Variants in COMMD7 observed in about 807,000 individuals in gnomAD.
COMMD7 encodes the protein COMM domain containing 7.
Under a neutral mutation model 34.8 loss-of-function variants are expected in COMMD7, and 28 were observed. The ratio of observed to expected loss-of-function variants is 0.80; its 90% confidence interval spans 0.60 to 1.10. The LOEUF is 1.10. Ranked by LOEUF, COMMD7 falls within the 50% of genes least tolerant of loss-of-function variation. The probability of loss-of-function intolerance (pLI) is 0.00; values close to 1 mark genes in which losing one functional copy is unlikely to be tolerated. For synonymous variants in COMMD7, 80 were observed against 86.4 expected, an observed-to-expected ratio of 0.93 and a Z score of 0.41; for missense variants, 211 against 241.6, an observed-to-expected ratio of 0.87 and a Z score of 0.84.
At chr20:32,704,953 C>T (rs1568770536) in intron 5 of COMMD7, 49 bp from the exon 6 acceptor site, 11 of 1,280,888 alleles carry the variant, frequency 8.6e-6, no homozygotes, top group Non-Finnish European at 1.3e-5. Context: ...AAAATCTCCC[C>T]CTCTCCATCC....
Position 32,733,120 on chromosome 20 carries a change from C to G in COMMD7, c.85-4978G>C, listed in dbSNP as rs981198387. On this transcript the variant is annotated intron_variant, in intron 1 of 8. Coordinates refer to ENST00000278980, the MANE Select transcript of COMMD7 (RefSeq NM_053041.3). Reference sequence around the variant, plus strand: ...GCATGGTGGCGGGCGCCTGTAATCCCAGCAGAATTACTTCAACCCAGGAGG... The same window carrying G: ...GCATGGTGGCGGGCGCCTGTAATCCGAGCAGAATTACTTCAACCCAGGAGG... Among the ~76,000 whole-genome samples the G allele has an allele frequency of 7.9e-4, 120 of 151,344 alleles. 2 individuals are homozygous for G. The highest frequency in any genetic ancestry group is 3.2e-4 in the Non-Finnish European group (22 of 67,892).
At chr20:32,704,551 C>T (rs1409731018) in intron 6 of COMMD7, 62 bp from the exon 7 acceptor site, 1 of 1,560,702 alleles carries the variant, frequency 6.4e-7, no homozygotes, top group Non-Finnish European at 8.7e-7. Flanking sequence ...TGATTGAGGA[C>T]TGACCCTGAA....
chr20:32,728,636 G>C (rs964840637), intron 1 of COMMD7, among the ~76,000 whole-genome samples: 2 of 151,628 alleles, frequency 1.3e-5, no homozygotes, highest in African/African-American at 4.9e-5. Flanking sequence ...ATGCAATCTC[G>C]GCTCACTGCA....
intron 5 of COMMD7, 112 bp from the exon 6 acceptor site, chr20:32,705,016 G>T: frequency 1.3e-6 from 1 of 760,090 alleles, no homozygotes; most frequent in Non-Finnish European, 2.2e-6. Flanking sequence ...GGAGGGTGCA[G>T]AAGATAGTGG....
intron 3 of COMMD7, among the ~76,000 whole-genome samples, chr20:32,708,023 G>A (rs1176107622): frequency 6.6e-6 from 1 of 152,110 alleles, no homozygotes; most frequent in Non-Finnish European, 1.5e-5. Flanking sequence ...GTCCTAAGAA[G>A]TTAGCTTTCA....
Position 32,706,741 on chromosome 20 carries a change from G to A in COMMD7, c.261C>T (p.Leu87=). The A allele has an allele frequency of 6.2e-7, 1 of 1,613,904 alleles. No homozygotes were observed. Among genetic ancestry groups the A allele is most frequent in the Non-Finnish European group, 8.5e-7 (1 of 1,179,980 alleles). ...LVPNGALKKS[L]TAKQVQADFI... is the part of the protein sequence containing the mutation. ...AATCCGCCTGGACCTGCTTGGCTGT[G>A]AGACTCTTCTTCAAAGCACCTGGGA... Residue 87 remains leucine (L), a synonymous_variant, in exon 4 of 9, where the codon CTC becomes CTT. Coordinates refer to ENST00000278980, the MANE Select transcript of COMMD7 (RefSeq NM_053041.3).
Position 32,704,025 on chromosome 20 carries a change from A to C in COMMD7, c.524T>G (p.Ile175Arg), listed in dbSNP as rs747527434. The change falls in exon 8 of 9, where the codon ATA becomes AGA. Residue 175 changes from isoleucine to arginine, a missense_variant and splice_region_variant. By Grantham distance (97) the Ile-to-Arg change is moderately conservative. Transcript: ENST00000278980. ...CTCAAGTGGGAATTCAGACTCACCT[A>C]TATACACATTTTCGGTTTGATTTCC... is the stretch of plus-strand genomic sequence containing the variant. ...KKGNQTENVY[I>R]ELTLPQFYSF... is the part of the protein sequence containing the mutation. 3 of 1,613,232 alleles carry C rather than the reference A, an allele frequency of 1.9e-6. No homozygotes were observed. The South Asian group carries it at 3.3e-5, about 18-fold the overall frequency.
At chr20:32,714,795 G>C (rs1295203593) in intron 3 of COMMD7, among the ~76,000 whole-genome samples, 1 of 150,436 alleles carries the variant, frequency 6.6e-6, no homozygotes, top group Non-Finnish European at 1.5e-5. Flanking sequence ...CTGCACTCCA[G>C]CCTGGGCAAC....
chr20:32,739,621 G>A lies in COMMD7; in HGVS notation c.84+3687C>T, dbSNP rs369842097. 7.0e-4 allele frequency among the ~76,000 whole-genome samples: 76 copies of A among 108,800 alleles called. 7 individuals carry two copies. Among genetic ancestry groups the A allele is most frequent in the African/African-American group, 2.6e-3 (70 of 27,116 alleles). 71.4% of individuals were successfully genotyped at this position (108,800 alleles called of 152,430 possible). A position where few individuals can be genotyped will look rare whatever the true frequency, so the allele number is the denominator to read the frequency against. On this transcript the variant is annotated intron_variant, in intron 1 of 8. Coordinates refer to ENST00000278980, the MANE Select transcript of COMMD7 (RefSeq NM_053041.3). Reference sequence around the variant, plus strand: ...GATTGCACCACTGTACTCCAGCCTCGGTGACAGAGCAAGGCTCTGTATCAA... The same window carrying A: ...GATTGCACCACTGTACTCCAGCCTCAGTGACAGAGCAAGGCTCTGTATCAA...
intron 3 of COMMD7, among the ~76,000 whole-genome samples, chr20:32,715,819 T>C (rs1474753783): frequency 6.6e-6 from 1 of 151,690 alleles, no homozygotes; most frequent in African/African-American, 2.4e-5. Context: ...AAAAAATAAA[T>C]TAATCAAAAA....
At chr20:32,711,926 T>G (rs1176355805) in intron 3 of COMMD7, among the ~76,000 whole-genome samples, 1 of 151,956 alleles carries the variant, frequency 6.6e-6, no homozygotes, top group African/African-American at 2.4e-5. Flanking sequence ...GGCTCGTGCC[T>G]GTAATCCCAG....
intron 1 of COMMD7, among the ~76,000 whole-genome samples, chr20:32,728,485 A>C (rs1376221933): frequency 6.6e-6 from 1 of 151,758 alleles, no homozygotes; most frequent in East Asian, 1.9e-4. Flanking sequence ...CACAAGGGGG[A>C]AATCATCAGA....
Position 32,727,938 on chromosome 20 carries a change from C to A in COMMD7, c.196G>T (p.Gly66Cys), listed in dbSNP as rs1314782903. Reference protein sequence around the residue: ...EFATTNQISLGSLRSIVKSLL... With the variant: ...EFATTNQISLCSLRSIVKSLL... ...CTTTTCACGATGCTTCTGAGGGAGC[C>A]AAGACTGATCTGATTGGTGGTGGCA... The change falls in exon 3 of 9, where the codon GGC (glycine) becomes TGC (cysteine). Residue 66 changes from glycine to cysteine, a missense_variant. Gly to Cys is a radical substitution (Grantham distance 159). Transcript: ENST00000278980. 3.7e-6 allele frequency: 6 copies of A among 1,613,944 alleles called. No homozygotes were observed. The highest frequency in any genetic ancestry group is 8.5e-7 in the Non-Finnish European group (1 of 1,180,034).
intron 3 of COMMD7, among the ~76,000 whole-genome samples, chr20:32,716,893 C>T (rs1442362711): frequency 6.6e-6 from 1 of 151,220 alleles, no homozygotes; most frequent in Non-Finnish European, 1.5e-5. Flanking sequence ...GACTCTAGCT[C>T]TGTCGTCCAG....
At chr20:32,712,574 A>T (rs1430502946) in intron 3 of COMMD7, among the ~76,000 whole-genome samples, 1 of 150,966 alleles carries the variant, frequency 6.6e-6, no homozygotes, top group East Asian at 1.9e-4. Flanking sequence ...CATACTATGT[A>T]ACAAATCTGC....
At chr20:32,738,873 GGTGT>G (rs1986281063) in intron 1 of COMMD7, among the ~76,000 whole-genome samples, 1 of 152,036 alleles carries the variant, frequency 6.6e-6, no homozygotes, top group African/African-American at 2.4e-5. Flanking sequence ...TGGGACTACA[GGTGT>G]GTGCCACCAT....
At chr20:32,708,877 G>T (rs1439016179) in intron 3 of COMMD7, among the ~76,000 whole-genome samples, 2 of 151,776 alleles carry the variant, frequency 1.3e-5, no homozygotes, top group Non-Finnish European at 2.9e-5. Context: ...TTGCCATGTT[G>T]CCCAGGCTGG....
At position 32,703,423 on chromosome 20, in the gene COMMD7, C is replaced by A; in HGVS notation, c.562G>T (p.Glu188Ter). The A allele has an allele frequency of 6.2e-7, 1 of 1,613,924 alleles. No homozygotes were observed. The highest frequency in any genetic ancestry group is 8.5e-7 in the Non-Finnish European group (1 of 1,179,968). The change falls in exon 9 of 9, where the codon GAG becomes TAG. Residue 188 changes from glutamate (E) to a stop codon, truncating the protein, a stop_gained. Transcript: ENST00000278980. LOFTEE classifies it high-confidence loss of function. ...ATGCTGGTTCTGACTCGCTCCATCT[C>A]GTGCAGGAAGCTGTAGAACTGAGGC... is the stretch of plus-strand genomic sequence containing the variant. ...TLPQFYSFLH[E>*]MERVRTSMEC...
intron 1 of COMMD7, among the ~76,000 whole-genome samples, chr20:32,734,113 A>G (rs8116188): frequency 0.69 from 102,466 of 149,352 alleles, 35,906 homozygotes; most frequent in Middle Eastern, 0.82. Context: ...CCTGGAAGGC[A>G]GAGCTTGTGG....
Sources: allele counts gnomAD v4.1 joint callset (sites outside exome capture counted in the v4.1 genomes callset), GRCh38; gene constraint gnomAD v4.1.1; transcripts MANE v1.5; gene names NCBI Gene and HGNC (gene_info 2026-07-23, HGNC 2026-07-21).